Variants in KLHL9 observed in about 807,000 individuals in gnomAD.
The protein encoded by KLHL9 is kelch like family member 9, also known as kelch-like protein 9.
KLHL9 carries 27 observed loss-of-function variants against 42.3 expected under a neutral mutation model. That is an observed-to-expected ratio of 0.64 (90% CI 0.47 to 0.88). The LOEUF (loss-of-function observed/expected upper bound fraction) is 0.88, where lower values mean the gene tolerates loss of function less well. Among genes scored for constraint, KLHL9 ranks in the 40% least tolerant of loss-of-function variants. The probability of loss-of-function intolerance (pLI) is 0.00; values close to 1 mark genes in which losing one functional copy is unlikely to be tolerated. For synonymous variants in KLHL9, 274 were observed against 254.4 expected (o/e 1.08, Z -0.73); for missense variants, 629 against 750.3 (o/e 0.84, Z 1.89).
chr9:21,331,491 G>A lies in KLHL9; in HGVS notation c.*1515C>T, dbSNP rs891712823. Reference sequence around the variant, plus strand: ...ATGCTGACAATCTTCCAGGTATAGGGGGTTGTGTGTGTGTATTACACACAC... The same window carrying A: ...ATGCTGACAATCTTCCAGGTATAGGAGGTTGTGTGTGTGTATTACACACAC... On this transcript the variant is annotated 3_prime_UTR_variant, in exon 1 of 1. Coordinates refer to ENST00000359039, the MANE Select transcript of KLHL9 (RefSeq NM_018847.4). 4 of 4,408 alleles carry A rather than the reference G, an allele frequency of 9.1e-4. No individual in the cohort carries two copies. Among genetic ancestry groups the A allele is most frequent in the African/African-American group, 3.5e-3 (4 of 1,146 alleles). 0.3% of individuals were successfully genotyped at this position (4,408 alleles called of 1,614,324 possible).
rs1169615973 is a variant in KLHL9, at chr9:21,330,014, A to C, written c.*2992T>G. The C allele has an allele frequency of 6.6e-6, 1 of 152,162 alleles. No individual in the cohort carries two copies. Among genetic ancestry groups the C allele is most frequent in the Admixed American group, 6.5e-5 (1 of 15,276 alleles). The allele number at this position is 152,162 out of a possible 1,614,324, so 9.4% of individuals were successfully genotyped here. A position where few individuals can be genotyped will look rare whatever the true frequency, so the allele number is the denominator to read the frequency against. ...ACTTTCTTTAAAAAATTACCAGCTT[A>C]TGAAAATAAATCTCTTTCCATTTAA... On this transcript the variant is annotated 3_prime_UTR_variant, in exon 1 of 1. Transcript: ENST00000359039.
At position 21,334,849 on chromosome 9, in the gene KLHL9, G is replaced by A. The variant is rs772416206; in HGVS notation, c.11C>T (p.Ser4Phe). The change falls in exon 1 of 1, where the codon TCC becomes TTC. Residue 4 changes from serine to phenylalanine, a missense_variant. Ser to Phe is a radical substitution (Grantham distance 155). Around this residue, in one of 4 missense-constraint regions of KLHL9, gnomAD observed 351 missense variants for 363.1 expected, o/e 0.97. Coordinates refer to ENST00000359039, the MANE Select transcript of KLHL9 (RefSeq NM_018847.4). The surrounding 1 kb of genome is among the most constrained non-coding windows in gnomAD (Gnocchi z 5.1). Reference sequence around the variant, plus strand: ...GACGCCCATTTCGCCGTTACCAAGGGACACTTTCATGTGAAAGCTTTCCTC... The same window carrying A: ...GACGCCCATTTCGCCGTTACCAAGGAACACTTTCATGTGAAAGCTTTCCTC... Reference protein sequence around the residue: MKVSLGNGEMGVSA... With the variant: MKVFLGNGEMGVSA... 1.2e-6 allele frequency: 2 copies of A among 1,614,156 alleles called. No homozygotes were observed. The highest frequency in any genetic ancestry group is 1.7e-5 in the Admixed American group (1 of 60,022).
At position 21,332,806 on chromosome 9, in the gene KLHL9, C is replaced by T; in HGVS notation, c.*200G>A. 4 of 738,278 alleles carry T rather than the reference C, an allele frequency of 5.4e-6. No homozygotes were observed. Among genetic ancestry groups the T allele is most frequent in the Non-Finnish European group, 8.0e-6 (4 of 497,426 alleles). 45.7% of individuals were successfully genotyped at this position (738,278 alleles called of 1,614,324 possible). A position where few individuals can be genotyped will look rare whatever the true frequency, so the allele number is the denominator to read the frequency against. ...TAAACATTTTTCTACGTCTTTTTTT[C>T]ATTTGTTAAAACAGCTATGTTAAAT... On this transcript the variant is annotated 3_prime_UTR_variant, in exon 1 of 1. Transcript: ENST00000359039.
rs1303997587 is a variant in KLHL9 at position 21,330,874 on chromosome 9, C to T, written c.*2132G>A. ...AGAGGCAGAGGTTTCAGTGAGCACA[C>T]ATCGTGCCATTGCACTCCAGACTGC... On this transcript the variant is annotated 3_prime_UTR_variant, in exon 1 of 1. Transcript: ENST00000359039. 1.3e-5 allele frequency: 2 copies of T among 151,428 alleles called. No homozygotes were observed. The highest frequency in any genetic ancestry group is 4.9e-5 in the African/African-American group (2 of 41,074). 9.4% of individuals were successfully genotyped at this position (151,428 alleles called of 1,614,324 possible).
At position 21,332,918 on chromosome 9, in the gene KLHL9, T is replaced by TTTTA; in HGVS notation, c.*87_*88insTAAA. The TTTTA allele has an allele frequency of 6.3e-7, 1 of 1,582,002 alleles. No homozygotes were observed. Among genetic ancestry groups the TTTTA allele is most frequent in the Non-Finnish European group, 8.6e-7 (1 of 1,160,876 alleles). ...TAACATCAGTTACCTTTATATCTAA[T>TTTTA]AACTGTACCAATCACTGTAAGAAGA... On this transcript the variant is annotated 3_prime_UTR_variant, in exon 1 of 1. Transcript: ENST00000359039.
At position 21,333,756 on chromosome 9, in the gene KLHL9, T is replaced by C. The variant is rs1485463370; in HGVS notation, c.1104A>G (p.Thr368=). Reference sequence around the variant, plus strand: ...TATACCGAGGATCAAATCTGAAAACTGTATCAACAGCAGTTTTTCCTTTTG... The same window carrying C: ...TATACCGAGGATCAAATCTGAAAACCGTATCAACAGCAGTTTTTCCTTTTG... ...YDTKGKTAVD[T]VFRFDPRYNK... The change falls in exon 1 of 1, where the codon ACA becomes ACG. Residue 368 remains threonine, a synonymous_variant. Transcript: ENST00000359039. The surrounding 1 kb of genome is among the most constrained non-coding windows in gnomAD (Gnocchi z 7.5). The C allele has an allele frequency of 6.2e-7, 1 of 1,613,888 alleles. No homozygotes were observed. Among genetic ancestry groups the C allele is most frequent in the Non-Finnish European group, 8.5e-7 (1 of 1,179,750 alleles).
chr9:21,333,082 G>A lies in KLHL9; in HGVS notation c.1778C>T (p.Thr593Ile). 1.9e-6 allele frequency: 3 copies of A among 1,614,168 alleles called. No homozygotes were observed. Among genetic ancestry groups the A allele is most frequent in the South Asian group, 1.1e-5 (1 of 91,082 alleles). ...SLGGIRACTL[T>I]VFPPEENPGS... ...AGGGTTTTCTTCAGGTGGAAAAACT[G>A]TGAGTGTACAGGCTCGAATGCCACC... Residue 593 changes from threonine (T) to isoleucine (I), a missense_variant, in exon 1 of 1, where the codon ACA (threonine) becomes ATA (isoleucine). Transcript: ENST00000359039. The surrounding 1 kb of genome is among the most constrained non-coding windows in gnomAD (Gnocchi z 7.5).
chr9:21,333,824 C>T lies in KLHL9; in HGVS notation c.1036G>A (p.Gly346Arg). The change falls in exon 1 of 1, where the codon GGA (glycine) becomes AGA (arginine). Residue 346 changes from glycine to arginine, a missense_variant. Around this residue, in one of 4 missense-constraint regions of KLHL9, gnomAD observed 214 missense variants for 305.8 expected, o/e 0.70. Coordinates refer to ENST00000359039, the MANE Select transcript of KLHL9 (RefSeq NM_018847.4). The surrounding 1 kb of genome is among the most constrained non-coding windows in gnomAD (Gnocchi z 7.5). ...PRYQHGIAVIGNFLYVVGGQS... is the reference protein window; with the variant it reads ...PRYQHGIAVIRNFLYVVGGQS... Reference sequence around the variant, plus strand: ...CCACCAACTACATAAAGAAAGTTTCCAATGACAGCAATACCATGCTGGTAA... The same window carrying T: ...CCACCAACTACATAAAGAAAGTTTCTAATGACAGCAATACCATGCTGGTAA... The T allele has an allele frequency of 6.2e-7, 1 of 1,613,898 alleles. No homozygotes were observed. The highest frequency in any genetic ancestry group is 8.5e-7 in the Non-Finnish European group (1 of 1,180,020).
Position 21,333,900 on chromosome 9 carries a change from A to G in KLHL9, c.960T>C (p.Tyr320=), listed in dbSNP as rs775335120. ...ATCTCCATTCTTGTGCCCTTTCATC[A>G]TACATCCGTAATTCTTTACTGACAA... ...QLVVSKELRM[Y]DERAQEWRSL... The change falls in exon 1 of 1, where the codon TAT becomes TAC. Residue 320 remains tyrosine, a synonymous_variant. Transcript: ENST00000359039. The surrounding 1 kb of genome is among the most constrained non-coding windows in gnomAD (Gnocchi z 7.5). 6.2e-6 allele frequency: 10 copies of G among 1,613,962 alleles called. No individual in the cohort carries two copies. Among genetic ancestry groups the G allele is most frequent in the Non-Finnish European group, 6.8e-6 (8 of 1,180,052 alleles).
At position 21,335,236 on chromosome 9, in the gene KLHL9, G is replaced by A. The variant is rs1280265456; in HGVS notation, c.-377C>T. The A allele has an allele frequency of 2.1e-6, 1 of 487,050 alleles. No homozygotes were observed. The highest frequency in any genetic ancestry group is 3.8e-5 in the Admixed American group (1 of 26,460). The allele number at this position is 487,050 out of a possible 1,614,324, so 30.2% of individuals were successfully genotyped here. A position where few individuals can be genotyped will look rare whatever the true frequency, so the allele number is the denominator to read the frequency against. On this transcript the variant is annotated 5_prime_UTR_variant, in exon 1 of 1. Coordinates refer to ENST00000359039, the MANE Select transcript of KLHL9 (RefSeq NM_018847.4). ...CTCGGCGGCGGGTCCGGACACCTCA[G>A]CGAACGGCCCGCTGCGCCCTCCGCT...
At position 21,335,116 on chromosome 9, in the gene KLHL9, C is replaced by T. The variant is rs1820247001; in HGVS notation, c.-257G>A. The T allele has an allele frequency of 5.5e-6, 3 of 547,606 alleles. No individual in the cohort carries two copies. The highest frequency in any genetic ancestry group is 9.8e-6 in the Non-Finnish European group (3 of 307,440). 33.9% of individuals were successfully genotyped at this position (547,606 alleles called of 1,614,324 possible). ...CATCACCTGAAGGCGGTTAAATGAC[C>T]TGGTTCACCTCGTCCGGCCTGCGCT... On this transcript the variant is annotated 5_prime_UTR_variant, in exon 1 of 1. Coordinates refer to ENST00000359039, the MANE Select transcript of KLHL9 (RefSeq NM_018847.4).
Position 21,332,868 on chromosome 9 carries a change from C to T in KLHL9, c.*138G>A. 10 of 1,303,478 alleles carry T rather than the reference C, an allele frequency of 7.7e-6. No homozygotes were observed. The South Asian group carries it at 1.4e-4, about 19-fold the overall frequency. 80.7% of individuals were successfully genotyped at this position (1,303,478 alleles called of 1,614,324 possible). A position where few individuals can be genotyped will look rare whatever the true frequency, so the allele number is the denominator to read the frequency against. Reference sequence around the variant, plus strand: ...ATGCATTTGTTAGCCACTTGATAAACATACTAAAAGCCATACAAGACGAAT... The same window carrying T: ...ATGCATTTGTTAGCCACTTGATAAATATACTAAAAGCCATACAAGACGAAT... On this transcript the variant is annotated 3_prime_UTR_variant, in exon 1 of 1. Transcript: ENST00000359039.
Position 21,332,880 on chromosome 9 carries a change from C to A in KLHL9, c.*126G>T. 1 of 1,393,132 alleles carries A rather than the reference C, an allele frequency of 7.2e-7. No individual in the cohort carries two copies. The highest frequency in any genetic ancestry group is 9.7e-7 in the Non-Finnish European group (1 of 1,035,036). The allele number at this position is 1,393,132 out of a possible 1,614,324, so 86.3% of individuals were successfully genotyped here. A position where few individuals can be genotyped will look rare whatever the true frequency, so the allele number is the denominator to read the frequency against. On this transcript the variant is annotated 3_prime_UTR_variant, in exon 1 of 1. Coordinates refer to ENST00000359039, the MANE Select transcript of KLHL9 (RefSeq NM_018847.4). The stretch of plus-strand genomic sequence containing the variant: ...GCCACTTGATAAACATACTAAAAGC[C>A]ATACAAGACGAATAACATCAGTTAC...
In KLHL9 at chr9:21,331,622, A is replaced by T. The variant is rs1452585731; in HGVS notation, c.*1384T>A. Reference sequence around the variant, plus strand: ...AGAATTCCTGTAACTCCATTTGCTGATAAAAGTCCCATTAAAAATTACCAT... The same window carrying T: ...AGAATTCCTGTAACTCCATTTGCTGTTAAAAGTCCCATTAAAAATTACCAT... On this transcript the variant is annotated 3_prime_UTR_variant, in exon 1 of 1. Transcript: ENST00000359039. The T allele has an allele frequency of 6.6e-6, 1 of 152,166 alleles. No individual in the cohort carries two copies. The highest frequency in any genetic ancestry group is 1.5e-5 in the Non-Finnish European group (1 of 68,032). 9.4% of individuals were successfully genotyped at this position (152,166 alleles called of 1,614,324 possible).
rs1820149887 is a variant in KLHL9 at position 21,330,500 on chromosome 9, G to C, written c.*2506C>G. On this transcript the variant is annotated 3_prime_UTR_variant, in exon 1 of 1. Coordinates refer to ENST00000359039, the MANE Select transcript of KLHL9 (RefSeq NM_018847.4). ...ACTGTCAACTGCAGAATACGGGAAAGTAAAAAAATGAGAGGCAGGGTGGGT... is the reference window on the plus strand; with the variant it reads ...ACTGTCAACTGCAGAATACGGGAAACTAAAAAAATGAGAGGCAGGGTGGGT... 1 of 152,210 alleles carries C rather than the reference G, an allele frequency of 6.6e-6. No homozygotes were observed. The highest frequency in any genetic ancestry group is 1.5e-5 in the Non-Finnish European group (1 of 68,070). 9.4% of individuals were successfully genotyped at this position (152,210 alleles called of 1,614,324 possible).
At position 21,333,471 on chromosome 9, in the gene KLHL9, G is replaced by A. The variant is rs761789349; in HGVS notation, c.1389C>T (p.Leu463=). The A allele has an allele frequency of 1.9e-6, 3 of 1,614,142 alleles. No homozygotes were observed. Among genetic ancestry groups the A allele is most frequent in the Non-Finnish European group, 2.5e-6 (3 of 1,180,032 alleles). ...GITHDTFQNE[L]MCFDPDTDKW... is the part of the protein sequence containing the mutation. ...TATCTGTATCTGGGTCAAAACACATGAGCTCATTTTGGAAAGTGTCATGGG... is the reference window on the plus strand; with the variant it reads ...TATCTGTATCTGGGTCAAAACACATAAGCTCATTTTGGAAAGTGTCATGGG... The change falls in exon 1 of 1, where the codon CTC becomes CTT. Residue 463 remains leucine, a synonymous_variant. Transcript: ENST00000359039. This position sits in a 1 kb window ranked among gnomAD's most constrained non-coding sequence, Gnocchi z 7.5.
chr9:21,334,592 A>C lies in KLHL9; in HGVS notation c.268T>G (p.Leu90Val). Residue 90 changes from leucine (L) to valine (V), a missense_variant, in exon 1 of 1, where the codon TTG (leucine) becomes GTG (valine). Transcript: ENST00000359039. The surrounding 1 kb of genome is among the most constrained non-coding windows in gnomAD (Gnocchi z 5.1). ...MFTGGMKEQD[L>V]MCIKLHGVNK... is the part of the protein sequence containing the mutation. ...ACCCCATGAAGCTTAATGCACATCA[A>C]ATCTTGTTCTTTCATTCCACCTGTG... The C allele has an allele frequency of 1.2e-6, 2 of 1,614,168 alleles. No homozygotes were observed. The highest frequency in any genetic ancestry group is 1.7e-6 in the Non-Finnish European group (2 of 1,180,024).
chr9:21,334,656 A>G lies in KLHL9; in HGVS notation c.204T>C (p.Ala68=). The change falls in exon 1 of 1, where the codon GCT becomes GCC. Residue 68 remains alanine (A), a synonymous_variant. Transcript: ENST00000359039. This position sits in a 1 kb window ranked among gnomAD's most constrained non-coding sequence, Gnocchi z 5.1. The part of the protein sequence containing the change: ...DGDEIFPVHR[A]MMASASDYFK... ...AATAATCACTAGCAGACGCCATCAT[A>G]GCTCTGTGAACAGGGAAGATTTCAT... The G allele has an allele frequency of 6.2e-7, 1 of 1,614,202 alleles. No homozygotes were observed. Among genetic ancestry groups the G allele is most frequent in the Non-Finnish European group, 8.5e-7 (1 of 1,180,036 alleles).
Position 21,334,723 on chromosome 9 carries a change from T to G in KLHL9, c.137A>C (p.Glu46Ala), listed in dbSNP as rs374564326. The G allele has an allele frequency of 3.1e-5, 50 of 1,613,506 alleles. No homozygotes were observed. Among genetic ancestry groups the G allele is most frequent in the Non-Finnish European group, 4.2e-5 (50 of 1,179,664 alleles). The change falls in exon 1 of 1, where the codon GAA becomes GCA. Residue 46 changes from glutamate to alanine, a missense_variant. Physicochemically the swap from Glu to Ala is moderately radical, Grantham distance 107. This residue lies in a region of KLHL9 where 351 missense variants were observed against 363.1 expected (regional missense o/e 0.97). Transcript: ENST00000359039. The surrounding 1 kb of genome is among the most constrained non-coding windows in gnomAD (Gnocchi z 5.1). The stretch of plus-strand genomic sequence containing the variant: ...CAGGGTCACATCACAAAGCAATCCT[T>G]CTATTCTAAGCTGATCAAAGCCTTG... ...VLQGFDQLRI[E>A]GLLCDVTLVP...
Sources: gnomAD v4.1 joint callset for allele counts on GRCh38, gnomAD v4.1.1 for gene constraint, gnomAD v4.1.1 regional missense constraint, Gnocchi (gnomAD v3.1) non-coding constraint, MANE v1.5 for transcripts, NCBI Gene and HGNC (gene_info 2026-07-23, HGNC 2026-07-21) for gene names.